The following SEPTIN9 variants were observed in gnomAD, a reference collection of about 807,000 sequenced individuals.
SEPTIN9 encodes septin-9.
A neutral mutation model predicts 56.6 loss-of-function variants in SEPTIN9; 13 were observed. That is an observed-to-expected ratio of 0.23 (90% CI 0.15 to 0.37). The LOEUF (loss-of-function observed/expected upper bound fraction) is 0.37, where lower values mean the gene tolerates loss of function less well. Among genes scored for constraint, SEPTIN9 ranks in the 10% least tolerant of loss-of-function variants. The probability of loss-of-function intolerance (pLI) is 1.00; values close to 1 mark genes in which losing one functional copy is unlikely to be tolerated. For synonymous variants in SEPTIN9, 332 were observed against 334.1 expected, an observed-to-expected ratio of 0.99 and a Z score of 0.07; for missense variants, 650 against 823.1, an observed-to-expected ratio of 0.79 and a Z score of 2.57.
intron 2 of SEPTIN9, among the ~76,000 whole-genome samples, chr17:77,385,433 G>A (rs111996099): frequency 6.6e-6 from 1 of 151,884 alleles, no homozygotes; most frequent in African/African-American, 2.4e-5. Flanking sequence ...TGACCAGGCT[G>A]GTCTCAAACT....
Position 77,307,171 on chromosome 17 carries a change from G to A in SEPTIN9, c.50G>A (p.Arg17Gln), listed in dbSNP as rs766496203. ...ACGCGGACCTCCAGTGGCCGGCTCC[G>A]GAGGCTTGGTGACTCCAGTGGCCCA... ...GGTRTSSGRL[R>Q]RLGDSSGPAL... The change falls in exon 2 of 12, where the codon CGG (arginine) becomes CAG (glutamine). Residue 17 changes from arginine to glutamine, a missense_variant. Coordinates refer to ENST00000427177, the MANE Select transcript of SEPTIN9 (RefSeq NM_001113491.2). 1.5e-5 allele frequency: 25 copies of A among 1,613,742 alleles called. No individual in the cohort carries two copies. Among genetic ancestry groups the A allele is most frequent in the Non-Finnish European group, 1.9e-5 (23 of 1,179,874 alleles).
chr17:77,365,014 C>T, intron 2 of SEPTIN9, among the ~76,000 whole-genome samples: 1 of 152,224 alleles, frequency 6.6e-6, no homozygotes, highest in East Asian at 1.9e-4. Context: ...AGCATCGGGT[C>T]TTTGTTAGAG....
chr17:77,301,904 C>T (rs962638895), intron 1 of SEPTIN9, among the ~76,000 whole-genome samples: 7 of 152,176 alleles, frequency 4.6e-5, no homozygotes, highest in African/African-American at 1.2e-4. Flanking sequence ...CGGTGTCACC[C>T]TCCTCTGAGA....
intron 11 of SEPTIN9, chr17:77,497,582 T>C: frequency 1.6e-6 from 1 of 610,438 alleles, no homozygotes; most frequent in Non-Finnish European, 2.9e-6. Context: ...TTTCAACCCC[T>C]GCGAAGTTGG....
At chr17:77,383,831 G>A (rs2035233850) in intron 2 of SEPTIN9, among the ~76,000 whole-genome samples, 1 of 152,230 alleles carries the variant, frequency 6.6e-6, no homozygotes, top group African/African-American at 2.4e-5. Flanking sequence ...ATCTGGCCTT[G>A]CCCTTGCCCA....
intron 3 of SEPTIN9, among the ~76,000 whole-genome samples, chr17:77,481,590 C>A (rs755371728): frequency 6.6e-6 from 1 of 152,044 alleles, no homozygotes; most frequent in Non-Finnish European, 1.5e-5. Context: ...GGCGGGGACA[C>A]ACGCTGGTTC....
chr17:77,435,901 AG>A lies in SEPTIN9; in HGVS notation c.721+33202del, dbSNP rs1217064017. 2.6e-5 allele frequency among the ~76,000 whole-genome samples: 4 copies of A among 152,204 alleles called. No homozygotes were observed. Among genetic ancestry groups the A allele is most frequent in the Non-Finnish European group, 5.9e-5 (4 of 68,044 alleles). On this transcript the variant is annotated intron_variant, in intron 3 of 11. Coordinates refer to ENST00000427177, the MANE Select transcript of SEPTIN9 (RefSeq NM_001113491.2). The surrounding 1 kb of genome is among the most constrained non-coding windows in gnomAD (Gnocchi z 4.5). ...GTAATCCCTAAAGCACGGACTTCTT[AG>A]GGGCTTCCATTCCTCCACCTGGAAA...
rs559834981 is a variant in SEPTIN9 at position 77,420,926 on chromosome 17, T to C, written c.721+18223T>C. Among the ~76,000 whole-genome samples, 81 of 152,330 alleles carry C rather than the reference T, an allele frequency of 5.3e-4. 1 individual carries two copies. Among genetic ancestry groups the C allele is most frequent in the African/African-American group, 1.8e-3 (74 of 41,564 alleles). ...AACAGTTACTTTCATCATCCCATTTTCCAGATTAGGAAATCAAGGCGCAGA... is the reference window on the plus strand; with the variant it reads ...AACAGTTACTTTCATCATCCCATTTCCCAGATTAGGAAATCAAGGCGCAGA... On this transcript the variant is annotated intron_variant, in intron 3 of 11. Coordinates refer to ENST00000427177, the MANE Select transcript of SEPTIN9 (RefSeq NM_001113491.2).
intron 2 of SEPTIN9, among the ~76,000 whole-genome samples, chr17:77,385,430 G>A (rs1048219500): frequency 6.6e-6 from 1 of 151,734 alleles, no homozygotes; most frequent in Non-Finnish European, 1.5e-5. Flanking sequence ...TGTTGACCAG[G>A]CTGGTCTCAA....
chr17:77,379,503 C>G (rs1360969279), intron 2 of SEPTIN9, among the ~76,000 whole-genome samples: 1 of 152,186 alleles, frequency 6.6e-6, no homozygotes, highest in Non-Finnish European at 1.5e-5. Flanking sequence ...TCTGCCTACC[C>G]GTTGGGAGAG....
chr17:77,424,067 C>T (rs1370681772), intron 3 of SEPTIN9, among the ~76,000 whole-genome samples: 1 of 152,258 alleles, frequency 6.6e-6, no homozygotes, highest in Admixed American at 6.5e-5. Context: ...TGTCATTCCA[C>T]CCCTCACCTT....
chr17:77,352,759 G>C (rs1427759245), intron 2 of SEPTIN9, among the ~76,000 whole-genome samples: 1 of 152,164 alleles, frequency 6.6e-6, no homozygotes, highest in Non-Finnish European at 1.5e-5. Flanking sequence ...CAGCCTCCCA[G>C]GCTCAAGCAA....
At chr17:77,408,497 AC>A (rs1335979262) in intron 3 of SEPTIN9, among the ~76,000 whole-genome samples, 7 of 152,180 alleles carry the variant, frequency 4.6e-5, no homozygotes, top group Admixed American at 2.0e-4. Context: ...CTTGGTCCGC[AC>A]CGGGCCGTGT....
chr17:77,287,812 GA>G (rs765383119), intron 1 of SEPTIN9: 77 of 902,622 alleles, frequency 8.5e-5, no homozygotes, highest in South Asian at 6.8e-4. Context: ...TCCAAAGCAT[GA>G]CTGTTGGCAG....
intron 1 of SEPTIN9, chr17:77,281,827 C>G: frequency 2.2e-6 from 1 of 461,420 alleles, no homozygotes; most frequent in Non-Finnish European, 3.8e-6. Context: ...TGCACCCTCG[C>G]AGGAATCGCT....
Position 77,290,680 on chromosome 17 carries a change from T to G in SEPTIN9, c.19+9126T>G, listed in dbSNP as rs1220470479. ...AATACAAAAAATTAGCTGGGTGCAG[T>G]GGCGGGCGCCTGTAGTCCCAGCTAC... On this transcript the variant is annotated intron_variant, in intron 1 of 11. Transcript: ENST00000427177. 2.0e-5 allele frequency among the ~76,000 whole-genome samples: 3 copies of G among 148,892 alleles called. No homozygotes were observed. In the East Asian group the frequency reaches 6.5e-4, roughly 32 times the overall value.
chr17:77,399,489 C>T (rs1349985587), intron 2 of SEPTIN9, among the ~76,000 whole-genome samples: 2 of 152,094 alleles, frequency 1.3e-5, no homozygotes, highest in Non-Finnish European at 2.9e-5. Context: ...CAGAGGACCG[C>T]GGGAGGCCCT....
At chr17:77,489,363 C>T (rs1318697165) in intron 7 of SEPTIN9, among the ~76,000 whole-genome samples, 1 of 152,214 alleles carries the variant, frequency 6.6e-6, no homozygotes, top group Non-Finnish European at 1.5e-5. Context: ...CTCCCGCCGG[C>T]TCTGTCCGCA....
rs1394564096 is a variant in SEPTIN9, at chr17:77,317,095, C to T, written c.76+9898C>T. Among the ~76,000 whole-genome samples the T allele has an allele frequency of 6.6e-6, 1 of 152,232 alleles. No individual in the cohort carries two copies. Among genetic ancestry groups the T allele is most frequent in the South Asian group, 2.1e-4 (1 of 4,834 alleles). ...GAAGAAATAGAATAACAGAAAGCAA[C>T]TCCAGTGAGCTGAGCCCTGGCTCCG... On this transcript the variant is annotated intron_variant, in intron 2 of 11. Transcript: ENST00000427177. The surrounding 1 kb of genome is among the most constrained non-coding windows in gnomAD (Gnocchi z 4.2).
Sources: allele counts gnomAD v4.1 joint callset (sites outside exome capture counted in the v4.1 genomes callset), GRCh38; gene constraint gnomAD v4.1.1; non-coding constraint Gnocchi (gnomAD v3.1); transcripts MANE v1.5; gene names NCBI Gene and HGNC (gene_info 2026-07-23, HGNC 2026-07-21).